Variants in HMGN3 observed in about 807,000 individuals in gnomAD.
The protein encoded by HMGN3 is high mobility group nucleosomal binding domain 3, also known as high mobility group nucleosome-binding domain-containing protein 3.
Under a neutral mutation model 18.8 loss-of-function variants are expected in HMGN3, and 6 were observed. The observed-to-expected ratio is 0.32, with a 90% CI of 0.18 to 0.63. HMGN3 has a LOEUF of 0.63. Ranked by LOEUF, HMGN3 falls within the 30% of genes least tolerant of loss-of-function variation. HMGN3 has a pLI of 0.79. For missense variants in HMGN3, 107 were observed against 114.2 expected (o/e 0.94, Z 0.29); for synonymous variants, 40 against 36.5 (o/e 1.10, Z -0.35).
At chr6:79,208,722 A>G (rs1475182838) in intron 2 of HMGN3, 146 bp from the exon 3 acceptor site, 3 of 725,716 alleles carry the variant, frequency 4.1e-6, no homozygotes, top group Admixed American at 2.0e-5. Flanking sequence ...AAGCACAGTG[A>G]AACATATCCC....
chr6:79,214,948 A>T lies in HMGN3; in HGVS notation c.66+24T>A, dbSNP rs868710832. The T allele has an allele frequency of 4.0e-6, 5 of 1,262,534 alleles. No individual in the cohort carries two copies. The Middle Eastern group carries it at 9.5e-4, about 239-fold the overall frequency. The allele number at this position is 1,262,534 out of a possible 1,614,324, so 78.2% of individuals were successfully genotyped here. A position where few individuals can be genotyped will look rare whatever the true frequency, so the allele number is the denominator to read the frequency against. On this transcript the variant is annotated intron_variant, in intron 2 of 5. Transcript: ENST00000344726. ...AACATTTCAATGTAAATAATTAAAT[A>T]TAGGATGTCAAAGATATACTTACCT...
At chr6:79,216,913 C>T (rs768283842) in intron 1 of HMGN3, among the ~76,000 whole-genome samples, 4 of 152,136 alleles carry the variant, frequency 2.6e-5, no homozygotes, top group Non-Finnish European at 4.4e-5. Context: ...GTACTCTCTA[C>T]CTATAATTGA....
chr6:79,208,575 G>A (rs756615529), exon 3 of HMGN3: 21 of 1,609,076 alleles, frequency 1.3e-5, no homozygotes, highest in Non-Finnish European at 1.7e-5. Context: ...CCGTCTTGTG[G>A]GCTACAAAGG....
intron 1 of HMGN3, among the ~76,000 whole-genome samples, chr6:79,221,470 C>A (rs1313907777): frequency 2.0e-5 from 3 of 152,278 alleles, no homozygotes; most frequent in Admixed American, 2.0e-4. Context: ...TTCCAGCAGT[C>A]CCTATCAGAA....
intron 3 of HMGN3, 103 bp from the exon 4 acceptor site, chr6:79,203,733 A>G: frequency 2.3e-6 from 2 of 875,620 alleles, no homozygotes; most frequent in East Asian, 5.0e-5. Context: ...CCATTTTGAC[A>G]TGGCTTTGGT....
exon 1 of HMGN3, chr6:79,234,629 G>T (rs1015325468): frequency 2.7e-6 from 4 of 1,501,284 alleles, no homozygotes; most frequent in Non-Finnish European, 3.7e-6. Context: ...GCTGGATGCT[G>T]CCTCTGCCTC....
intron 1 of HMGN3, among the ~76,000 whole-genome samples, chr6:79,226,177 G>A (rs757190425): frequency 6.6e-6 from 1 of 152,184 alleles, no homozygotes; most frequent in Non-Finnish European, 1.5e-5. Context: ...GAGGAAATTT[G>A]TTAATCTCAC....
chr6:79,213,241 C>A (rs1776789678), intron 2 of HMGN3, among the ~76,000 whole-genome samples: 1 of 151,338 alleles, frequency 6.6e-6, no homozygotes, highest in Admixed American at 6.6e-5. Flanking sequence ...GAGATGCTAT[C>A]TCAAAAAATA....
At chr6:79,213,301 C>T (rs570688124) in intron 2 of HMGN3, among the ~76,000 whole-genome samples, 2 of 152,004 alleles carry the variant, frequency 1.3e-5, no homozygotes, top group Admixed American at 6.6e-5. Context: ...ACAAGCAAAA[C>T]CACACACATA....
chr6:79,229,398 CAT>C (rs1490374534), intron 1 of HMGN3, among the ~76,000 whole-genome samples: 5 of 152,130 alleles, frequency 3.3e-5, no homozygotes, highest in Non-Finnish European at 5.9e-5. Flanking sequence ...AGACATTTCA[CAT>C]ATGATACACA....
Position 79,209,179 on chromosome 6 carries a change from C to T in HMGN3, c.67-603G>A, listed in dbSNP as rs891813340. 4.6e-5 allele frequency among the ~76,000 whole-genome samples: 7 copies of T among 152,144 alleles called. No homozygotes were observed. The South Asian group carries it at 6.2e-4, about 13-fold the overall frequency. On this transcript the variant is annotated intron_variant, in intron 2 of 5. Coordinates refer to ENST00000344726, the Ensembl canonical transcript of HMGN3. Reference sequence around the variant, plus strand: ...AAGGATTTAACCAGAATTAAAAGTGCATTACTTTTTCTTTTAATTTCAAAG... The same window carrying T: ...AAGGATTTAACCAGAATTAAAAGTGTATTACTTTTTCTTTTAATTTCAAAG...
chr6:79,202,247 A>G (rs759915020), intron 5 of HMGN3, 29 bp downstream of exon 5: 1 of 1,613,844 alleles, frequency 6.2e-7, no homozygotes, highest in Non-Finnish European at 8.5e-7. Flanking sequence ...ACACTGATTC[A>G]ATCAGTGGGA....
At position 79,217,451 on chromosome 6, in the gene HMGN3, T is replaced by G. The variant is rs142196521; in HGVS notation, c.16-2429A>C. Among the ~76,000 whole-genome samples the G allele has an allele frequency of 5.1e-3, 778 of 152,346 alleles. 5 individuals carry two copies. The highest frequency in any genetic ancestry group is 7.9e-3 in the Non-Finnish European group (540 of 68,026). ...TAATGACAGCTAACTCAAAGGGTAC[T>G]GCTTATGATCAAGTGAGATACTGGA... is the stretch of plus-strand genomic sequence containing the variant. On this transcript the variant is annotated intron_variant, in intron 1 of 5. Transcript: ENST00000344726.
chr6:79,223,966 T>G (rs978837603), intron 1 of HMGN3, among the ~76,000 whole-genome samples: 1 of 152,118 alleles, frequency 6.6e-6, no homozygotes, highest in Non-Finnish European at 1.5e-5. Context: ...GTGTACATCA[T>G]GGGAATGCCA....
intron 1 of HMGN3, among the ~76,000 whole-genome samples, chr6:79,223,162 T>A (rs1161853816): frequency 6.6e-6 from 1 of 152,134 alleles, no homozygotes; most frequent in Non-Finnish European, 1.5e-5. Flanking sequence ...GCAGATCACT[T>A]GAGGCCAGGA....
chr6:79,223,012 G>A (rs1777379385), intron 1 of HMGN3, among the ~76,000 whole-genome samples: 1 of 152,166 alleles, frequency 6.6e-6, no homozygotes, highest in Non-Finnish European at 1.5e-5. Context: ...AGAAAGTTGT[G>A]TGCCAGTATG....
chr6:79,208,504 G>A (rs1400020499), intron 3 of HMGN3, 43 bp downstream of exon 3: 1 of 1,484,028 alleles, frequency 6.7e-7, no homozygotes, highest in Admixed American at 1.7e-5. Context: ...AAGGGAACAT[G>A]TACTCATAAG....
intron 3 of HMGN3, among the ~76,000 whole-genome samples, chr6:79,205,182 CT>C (rs1280921679): frequency 6.6e-6 from 1 of 152,200 alleles, no homozygotes; most frequent in Non-Finnish European, 1.5e-5. Flanking sequence ...TTTCATTTGA[CT>C]TACAAGGTCT....
intron 1 of HMGN3, among the ~76,000 whole-genome samples, chr6:79,229,550 A>G (rs1297955346): frequency 3.9e-5 from 6 of 152,190 alleles, no homozygotes; most frequent in Non-Finnish European, 8.8e-5. Flanking sequence ...GAACGCATGC[A>G]CTTTGGAAAA....
Sources: gnomAD v4.1 joint callset for allele counts (sites outside exome capture counted in the v4.1 genomes callset) on GRCh38, gnomAD v4.1.1 for gene constraint, MANE v1.5 for transcripts, NCBI Gene and HGNC (gene_info 2026-07-23, HGNC 2026-07-21) for gene names.